The following TET3 variants were observed in gnomAD, a reference collection of about 807,000 sequenced individuals.
The protein encoded by TET3 is tet methylcytosine dioxygenase 3.
TET3 carries 19 observed loss-of-function variants against 141.4 expected under a neutral mutation model. That is an observed-to-expected ratio of 0.13 (90% confidence interval 0.09 to 0.20). TET3 has a LOEUF of 0.20. TET3 is among the 10% of genes least tolerant of loss of function. TET3 has a pLI of 1.00. For missense variants in TET3, 1,874 were observed against 2,356.9 expected (o/e 0.80, Z 4.24); for synonymous variants, 1,043 against 980.9 (o/e 1.06, Z -1.18).
Position 73,995,610 on chromosome 2 carries a change from C to G in TET3, c.304-7500C>G, listed in dbSNP as rs558047745. 2.6e-5 allele frequency among the ~76,000 whole-genome samples: 4 copies of G among 152,314 alleles called. 1 individual carries two copies. Among genetic ancestry groups the G allele is most frequent in the African/African-American group, 9.6e-5 (4 of 41,566 alleles). On this transcript the variant is annotated intron_variant, in intron 2 of 11. Coordinates refer to ENST00000409262, the MANE Select transcript of TET3 (RefSeq NM_001287491.2). ...GATTAAATTCAGTGACTCAGTCATA[C>G]TGGTCGACTTTCAAATGCTTATTAG...
chr2:74,080,234 C>T (rs977579704), intron 5 of TET3, among the ~76,000 whole-genome samples: 5 of 152,212 alleles, frequency 3.3e-5, no homozygotes, highest in South Asian at 2.1e-4. Flanking sequence ...ACATTCTGCT[C>T]GGCTGTCTTT....
Position 74,047,229 on chromosome 2 carries a change from G to C in TET3, c.1312G>C (p.Gly438Arg), listed in dbSNP as rs755876838. 6.2e-7 allele frequency: 1 copy of C among 1,613,950 alleles called. No individual in the cohort carries two copies. The highest frequency in any genetic ancestry group is 2.2e-5 in the East Asian group (1 of 44,860). The change falls in exon 4 of 12, where the codon GGC becomes CGC. Residue 438 changes from glycine to arginine, a missense_variant. Physicochemically the swap from Gly to Arg is moderately radical, Grantham distance 125. Around this residue, in one of 10 missense-constraint regions of TET3, gnomAD observed 484 missense variants for 462.2 expected, o/e 1.05. Coordinates refer to ENST00000409262, the MANE Select transcript of TET3 (RefSeq NM_001287491.2). ...TAGAACTGAGTTCCCTGAAGCCTGG[G>C]GCACTGACACCCCTCCAGCAACGCC... is the stretch of plus-strand genomic sequence containing the variant. ...TPRTEFPEAW[G>R]TDTPPATPRS...
intron 8 of TET3, among the ~76,000 whole-genome samples, chr2:74,090,431 C>T (rs1422119440): frequency 1.3e-5 from 2 of 152,176 alleles, no homozygotes; most frequent in Non-Finnish European, 2.9e-5. Flanking sequence ...CGGTCTCCCG[C>T]ATGTGGGCCA....
In TET3 at chr2:73,992,609, C is replaced by T. The variant is rs190337985; in HGVS notation, c.303+5903C>T. ...GATTACAGGCGTGAGCCACTGTGCC[C>T]GGCCCTTGTTGTTTTTTTAAATAGA... On this transcript the variant is annotated intron_variant, in intron 2 of 11. Coordinates refer to ENST00000409262, the MANE Select transcript of TET3 (RefSeq NM_001287491.2). Among the ~76,000 whole-genome samples the T allele has an allele frequency of 4.7e-3, 715 of 152,136 alleles. 6 individuals are homozygous for T. The highest frequency in any genetic ancestry group is 8.4e-3 in the African/African-American group (349 of 41,514).
Position 74,047,696 on chromosome 2 carries a change from G to A in TET3, c.1779G>A (p.Glu593=). ...CAGCTGGAGGTCCCGTGGGAACGGA[G>A]AAAGCTGCCCCTGGGATCAAGCCCA... ...PTPAGGPVGT[E]KAAPGIKPSV... is the part of the protein sequence containing the mutation. The change falls in exon 4 of 12, where the codon GAG becomes GAA. Residue 593 remains glutamate (E), a synonymous_variant. Coordinates refer to ENST00000409262, the MANE Select transcript of TET3 (RefSeq NM_001287491.2). The A allele has an allele frequency of 6.2e-7, 1 of 1,613,418 alleles. No individual in the cohort carries two copies. The highest frequency in any genetic ancestry group is 8.5e-7 in the Non-Finnish European group (1 of 1,179,650).
intron 3 of TET3, among the ~76,000 whole-genome samples, chr2:74,022,777 A>T (rs1686124231): frequency 6.6e-6 from 1 of 151,654 alleles, no homozygotes; most frequent in Admixed American, 6.6e-5. Flanking sequence ...TCTGCTTTTT[A>T]TTTTTTTTAT....
intron 2 of TET3, among the ~76,000 whole-genome samples, chr2:73,988,004 C>T (rs1423718559): frequency 2.0e-5 from 3 of 152,170 alleles, no homozygotes; most frequent in African/African-American, 4.8e-5. Flanking sequence ...TTGTCTTGTC[C>T]GTGCCTTGTG....
intron 10 of TET3, among the ~76,000 whole-genome samples, 156 bp from the exon 11 acceptor site, chr2:74,099,120 A>G (rs1331721250): frequency 1.3e-5 from 2 of 152,188 alleles, no homozygotes; most frequent in African/African-American, 4.8e-5. Context: ...GTGAACCAAG[A>G]TCAATGTGCT....
chr2:74,097,555 C>T (rs551928261), intron 10 of TET3, among the ~76,000 whole-genome samples: 6 of 152,124 alleles, frequency 3.9e-5, no homozygotes, highest in South Asian at 2.1e-4. Context: ...AGGTCATGCT[C>T]GGGGGCTACT....
the TET3 span, among the ~76,000 whole-genome samples, chr2:74,128,265 A>G: frequency 6.6e-6 from 1 of 152,302 alleles, no homozygotes; most frequent in East Asian, 1.9e-4. Context: ...ACTTTCAACT[A>G]ATCAATTGAT....
chr2:74,116,915 G>A, the TET3 span, among the ~76,000 whole-genome samples: 1 of 152,200 alleles, frequency 6.6e-6, no homozygotes, highest in East Asian at 1.9e-4. Flanking sequence ...GAGGGAGAAG[G>A]GGACTCAGAC....
At chr2:74,001,454 A>G (rs115752012) in intron 2 of TET3, among the ~76,000 whole-genome samples, 1 of 152,340 alleles carries the variant, frequency 6.6e-6, no homozygotes, top group African/African-American at 2.4e-5. Context: ...AATCCTCACA[A>G]CTGGATGAGG....
At chr2:74,028,284 C>T (rs896596955) in intron 3 of TET3, among the ~76,000 whole-genome samples, 1 of 148,940 alleles carries the variant, frequency 6.7e-6, no homozygotes, top group Non-Finnish European at 1.5e-5. Flanking sequence ...CATGCCTAGC[C>T]GTTTTTTTTT....
rs1691248521 is a variant in TET3, at chr2:74,101,993, G to A, written c.5205G>A (p.Gln1735=). 3.1e-6 allele frequency: 5 copies of A among 1,602,722 alleles called. No homozygotes were observed. The highest frequency in any genetic ancestry group is 4.3e-6 in the Non-Finnish European group (5 of 1,172,692). The part of the protein sequence containing the change: ...EEAARLGLGQ[Q]EAKLYGKKRK... The stretch of plus-strand genomic sequence containing the variant: ...CTGCCCGGCTGGGCCTGGGCCAGCA[G>A]GAGGCCAAGCTCTACGGGAAGAAGC... The change falls in exon 12 of 12, where the codon CAG becomes CAA. Residue 1735 remains glutamine, a synonymous_variant. Transcript: ENST00000409262. The surrounding 1 kb of genome is among the most constrained non-coding windows in gnomAD (Gnocchi z 8.5).
At chr2:74,114,488 A>G in the TET3 span, among the ~76,000 whole-genome samples, 28,724 of 152,006 alleles carry the variant, frequency 0.19, 3,054 homozygotes, top group East Asian at 0.37. Context: ...AATGCCATTG[A>G]ATTGTACACT....
At chr2:74,034,641 A>G (rs1040509489) in intron 3 of TET3, among the ~76,000 whole-genome samples, 3 of 150,124 alleles carry the variant, frequency 2.0e-5, no homozygotes, top group Admixed American at 6.7e-5. Flanking sequence ...TGGCTCATTC[A>G]TTGACACTGC....
chr2:74,122,944 T>G, the TET3 span: 2 of 152,112 alleles, frequency 1.3e-5, no homozygotes, highest in African/African-American at 4.8e-5. Flanking sequence ...TCCACCCACC[T>G]TGGCCTCCCA....
At chr2:74,059,961 G>A (rs907677761) in intron 4 of TET3, among the ~76,000 whole-genome samples, 2 of 152,162 alleles carry the variant, frequency 1.3e-5, no homozygotes, top group African/African-American at 4.8e-5. Flanking sequence ...CCAACTTGGG[G>A]TTATTATGAA....
the TET3 span, chr2:74,134,855 T>G: frequency 2.3e-6 from 1 of 434,892 alleles, no homozygotes; most frequent in Admixed American, 2.5e-5. Flanking sequence ...GAACACCAGA[T>G]GTTGTAGCCA....
Sources: allele counts gnomAD v4.1 joint callset (sites outside exome capture counted in the v4.1 genomes callset), GRCh38; gene constraint gnomAD v4.1.1; regional missense constraint gnomAD v4.1.1; non-coding constraint Gnocchi (gnomAD v3.1); transcripts MANE v1.5; gene names NCBI Gene and HGNC (gene_info 2026-07-23, HGNC 2026-07-21).